LOC128462377: variants seen among roughly 807,000 people sequenced by gnomAD.
the LOC128462377 span, among the ~76,000 whole-genome samples, chr16:89,413,782 G>C: frequency 6.6e-6 from 1 of 152,180 alleles, no homozygotes. Context: ...CCCCAGGGGT[G>C]AGGGTGCCAG....
the LOC128462377 span, among the ~76,000 whole-genome samples, chr16:89,394,057 G>A: frequency 3.9e-5 from 6 of 152,130 alleles, no homozygotes; most frequent in Non-Finnish European, 7.4e-5. Flanking sequence ...AGCTCACAGG[G>A]TGCTCCTCCC....
the LOC128462377 span, among the ~76,000 whole-genome samples, chr16:89,347,271 CAT>C: frequency 6.6e-6 from 1 of 152,142 alleles, no homozygotes; most frequent in African/African-American, 2.4e-5. Flanking sequence ...GACTGTCGCA[CAT>C]GTGTGTACCT....
chr16:89,367,209 A>G, the LOC128462377 span, among the ~76,000 whole-genome samples: 1 of 152,150 alleles, frequency 6.6e-6, no homozygotes, highest in Non-Finnish European at 1.5e-5. Flanking sequence ...TTCCCATCGA[A>G]ACACAACAGT....
the LOC128462377 span, among the ~76,000 whole-genome samples, chr16:89,341,519 G>C: frequency 6.6e-6 from 1 of 152,168 alleles, no homozygotes; most frequent in African/African-American, 2.4e-5. Flanking sequence ...CATATGTGCA[G>C]TGACACCAGC....
At chr16:89,326,285 G>A in the LOC128462377 span, among the ~76,000 whole-genome samples, 17 of 152,172 alleles carry the variant, frequency 1.1e-4, no homozygotes, top group East Asian at 1.9e-4. Flanking sequence ...AGAGAAACAC[G>A]CAGGGAAGAG....
the LOC128462377 span, among the ~76,000 whole-genome samples, chr16:89,362,287 G>A: frequency 3.1e-4 from 47 of 152,316 alleles, no homozygotes; most frequent in African/African-American, 1.1e-3. Context: ...CCACTGCTAG[G>A]GATGAAGAGT....
chr16:89,374,508 T>A, the LOC128462377 span, among the ~76,000 whole-genome samples: 9 of 152,208 alleles, frequency 5.9e-5, no homozygotes, highest in Non-Finnish European at 1.0e-4. Flanking sequence ...CCCTGCTCTG[T>A]GAGAGAATTC....
At chr16:89,410,006 A>G in the LOC128462377 span, among the ~76,000 whole-genome samples, 2 of 151,760 alleles carry the variant, frequency 1.3e-5, no homozygotes, top group Non-Finnish European at 2.9e-5. Flanking sequence ...CGCCCGGCTA[A>G]TTTTTTGTAT....
the LOC128462377 span, among the ~76,000 whole-genome samples, chr16:89,344,210 G>A: frequency 1.3e-5 from 2 of 152,158 alleles, no homozygotes; most frequent in Non-Finnish European, 2.9e-5. Context: ...CATCACTAGG[G>A]CTTAACGATC....
At chr16:89,362,668 G>C in the LOC128462377 span, among the ~76,000 whole-genome samples, 1 of 152,220 alleles carries the variant, frequency 6.6e-6, no homozygotes, top group Non-Finnish European at 1.5e-5. Flanking sequence ...ATATCTGCTA[G>C]CCTTAATAAA....
At chr16:89,410,501 G>A in the LOC128462377 span, among the ~76,000 whole-genome samples, 2 of 152,090 alleles carry the variant, frequency 1.3e-5, no homozygotes, top group Non-Finnish European at 1.5e-5. Context: ...CAGGAACCAC[G>A]CAGAGCCACG....
the LOC128462377 span, among the ~76,000 whole-genome samples, chr16:89,381,451 G>A: frequency 6.6e-6 from 1 of 151,572 alleles, no homozygotes; most frequent in South Asian, 2.1e-4. Flanking sequence ...TATTGTATAA[G>A]GAGCAAGAGC....
chr16:89,359,151 C>T, the LOC128462377 span, among the ~76,000 whole-genome samples: 1 of 151,832 alleles, frequency 6.6e-6, no homozygotes, highest in African/African-American at 2.4e-5. Flanking sequence ...AAGACTGATT[C>T]TGGAAGAAAA....
the LOC128462377 span, among the ~76,000 whole-genome samples, chr16:89,341,624 A>G: frequency 6.6e-6 from 1 of 152,254 alleles, no homozygotes; most frequent in Non-Finnish European, 1.5e-5. Flanking sequence ...CATCCAGCCC[A>G]TAAATCCCAC....
chr16:89,324,295 C>T, the LOC128462377 span: 2 of 1,262,716 alleles, frequency 1.6e-6, no homozygotes, highest in Non-Finnish European at 2.1e-6. Context: ...GGAACACGGA[C>T]CACCCGACAG....
At chr16:89,341,282 G>T in the LOC128462377 span, among the ~76,000 whole-genome samples, 1 of 152,176 alleles carries the variant, frequency 6.6e-6, no homozygotes, top group African/African-American at 2.4e-5. Context: ...ATTTCTCTCT[G>T]CATTAAATAC....
the LOC128462377 span, among the ~76,000 whole-genome samples, chr16:89,322,056 G>A: frequency 3.3e-5 from 5 of 152,342 alleles, no homozygotes; most frequent in East Asian, 7.7e-4. Context: ...TGTGTGACTG[G>A]CTTTATGTGG....
chr16:89,399,839 G>A, the LOC128462377 span, among the ~76,000 whole-genome samples: 1 of 152,128 alleles, frequency 6.6e-6, no homozygotes, highest in African/African-American at 2.4e-5. Context: ...CTGTCAGAAA[G>A]ACAAAATGGT....
the LOC128462377 span, among the ~76,000 whole-genome samples, chr16:89,354,232 T>C: frequency 1.4e-5 from 2 of 143,494 alleles, no homozygotes; most frequent in South Asian, 4.4e-4. Flanking sequence ...TAACTAAATT[T>C]TGCATTCAGC....
Sources: allele counts gnomAD v4.1 joint callset (sites outside exome capture counted in the v4.1 genomes callset), GRCh38; gene constraint gnomAD v4.1.1; transcripts MANE v1.5.